Variants in FAM228B observed in about 807,000 individuals in gnomAD.
The protein encoded by FAM228B is protein FAM228B.
Under a neutral mutation model 42.6 loss-of-function variants are expected in FAM228B, and 38 were observed. That is an observed-to-expected ratio of 0.89 (90% CI 0.69 to 1.17). The LOEUF (loss-of-function observed/expected upper bound fraction) is 1.17. Among genes scored for constraint, FAM228B ranks in the 50% most tolerant of loss-of-function variants. The probability of loss-of-function intolerance (pLI) is 0.00; values close to 1 mark genes in which losing one functional copy is unlikely to be tolerated. For missense variants in FAM228B, 344 were observed against 367.3 expected (o/e 0.94, Z 0.52); for synonymous variants, 109 against 122.3 (o/e 0.89, Z 0.72).
At chr2:24,103,482 T>C (rs969839345) in intron 3 of FAM228B, among the ~76,000 whole-genome samples, 19 of 152,252 alleles carry the variant, frequency 1.2e-4, no homozygotes, top group African/African-American at 4.1e-4. Flanking sequence ...CCACAGGTGC[T>C]GTATAGCTAC....
At chr2:24,106,270 A>G (rs974834031) in intron 3 of FAM228B, among the ~76,000 whole-genome samples, 2 of 151,912 alleles carry the variant, frequency 1.3e-5, no homozygotes, top group Non-Finnish European at 2.9e-5. Flanking sequence ...ATCTTTCAAC[A>G]GAAACCCTAA....
In FAM228B at chr2:24,080,955, G is replaced by A. The variant is rs1664975823; in HGVS notation, c.-210G>A. On this transcript the variant is annotated splice_region_variant and 5_prime_UTR_variant, in exon 2 of 11. Transcript: ENST00000613899. The surrounding 1 kb of genome is among the most constrained non-coding windows in gnomAD (Gnocchi z 4.7). ...CCAGAGGAATAGCTCCAGCCATCCG[G>A]GTGAGTTGGATAGCAGCTGTGCCCA... 1 of 1,614,136 alleles carries A rather than the reference G, an allele frequency of 6.2e-7. No homozygotes were observed. The highest frequency in any genetic ancestry group is 2.2e-5 in the East Asian group (1 of 44,880).
At position 24,137,859 on chromosome 2, in the gene FAM228B, C is replaced by T. The variant is rs114803329; in HGVS notation, c.169-50C>T. 2,173 of 1,358,374 alleles carry T rather than the reference C, an allele frequency of 1.6e-3. 42 individuals carry two copies. In the African/African-American group the frequency reaches 0.029, roughly 18 times the overall value. The allele number at this position is 1,358,374 out of a possible 1,614,324, so 84.1% of individuals were successfully genotyped here. On this transcript the variant is annotated intron_variant, in intron 3 of 10. Transcript: ENST00000615575. ...GTTTAAGTTTTGGAAAATTTTAGAA[C>T]AAGAAAGCTTTAGGATAATATATTT...
chr2:24,098,274 A>G (rs1432325292), intron 3 of FAM228B, among the ~76,000 whole-genome samples: 3 of 152,204 alleles, frequency 2.0e-5, no homozygotes, highest in Admixed American at 1.3e-4. Flanking sequence ...GGCAAGAAAT[A>G]ACTGAGATCA....
At chr2:24,133,730 G>A (rs971172931) in intron 2 of FAM228B, among the ~76,000 whole-genome samples, 1 of 152,124 alleles carries the variant, frequency 6.6e-6, no homozygotes, top group African/African-American at 2.4e-5. Flanking sequence ...TTCAAAATCT[G>A]AAAATGTGAC....
At chr2:24,120,703 G>GCAC (rs71395202), upstream of FAM228B, among the ~76,000 whole-genome samples, 17,884 of 151,886 alleles carry the variant, frequency 0.12, 1,234 homozygotes, top group South Asian at 0.18. Flanking sequence ...TTACAAGGGC[G>GCAC]CACCACACCT....
chr2:24,138,025 A>G lies in FAM228B; in HGVS notation c.285A>G (p.Lys95=). Residue 95 remains lysine, a synonymous_variant, in exon 4 of 11, where the codon AAA becomes AAG. Coordinates refer to ENST00000615575, the MANE Select transcript of FAM228B (RefSeq NM_001145710.2). ...CTCTTCAGAAGAAAATTATAGAAAA[A>G]GTTTGCTCACATAAGAAGATTAAAA... The part of the protein sequence containing the change: ...ADPLQKKIIE[K]VCSHKKIKKR... The G allele has an allele frequency of 6.5e-7, 1 of 1,547,498 alleles. No individual in the cohort carries two copies. Among genetic ancestry groups the G allele is most frequent in the Admixed American group, 2.0e-5 (1 of 49,902 alleles).
Position 24,084,384 on chromosome 2 carries a change from G to T in FAM228B, c.-210+3429G>T, listed in dbSNP as rs2150988037. 3.7e-6 allele frequency: 5 copies of T among 1,343,884 alleles called. No individual in the cohort carries two copies. The highest frequency in any genetic ancestry group is 4.1e-6 in the Non-Finnish European group (4 of 966,664). 83.2% of individuals were successfully genotyped at this position (1,343,884 alleles called of 1,614,324 possible). On this transcript the variant is annotated intron_variant, in intron 2 of 10. Transcript: ENST00000613899. This position sits in a 1 kb window ranked among gnomAD's most constrained non-coding sequence, Gnocchi z 8.4. The stretch of plus-strand genomic sequence containing the variant: ...GACAGGACAGGGCAGGGCAGGGCAG[G>T]ACAGGACAGGGCAGGGCAGGACAGG...
intron 2 of FAM228B, among the ~76,000 whole-genome samples, chr2:24,126,913 C>T (rs570965089): frequency 3.1e-4 from 47 of 152,274 alleles, no homozygotes; most frequent in Admixed American, 9.8e-4. Flanking sequence ...CGTGAGCCAC[C>T]GGGCGCCCGG....
chr2:24,088,347 T>TTA (rs34384131), intron 2 of FAM228B, among the ~76,000 whole-genome samples: 18,122 of 151,728 alleles, frequency 0.12, 1,231 homozygotes, highest in South Asian at 0.19. Context: ...CATCCCTTTA[T>TTA]TATATATATA....
At chr2:24,144,849 C>T (rs1666856348) in intron 5 of FAM228B, among the ~76,000 whole-genome samples, 1 of 152,190 alleles carries the variant, frequency 6.6e-6, no homozygotes, top group Non-Finnish European at 1.5e-5. Context: ...CCACCAGCAC[C>T]CCCACCCGAG....
At chr2:24,102,760 A>T (rs532220882) in intron 3 of FAM228B, among the ~76,000 whole-genome samples, 32 of 152,336 alleles carry the variant, frequency 2.1e-4, no homozygotes, top group African/African-American at 7.7e-4. Flanking sequence ...AAAAAACAAA[A>T]TAAATGTATT....
chr2:24,118,214 T>C lies in FAM228B; in HGVS notation c.-120-16905T>C, dbSNP rs565407246. 3.9e-5 allele frequency among the ~76,000 whole-genome samples: 6 copies of C among 152,336 alleles called. No individual in the cohort carries two copies. The South Asian group carries it at 1.2e-3, about 32-fold the overall frequency. ...TAATTAGATAATTAACCTGGCTCTCTATGTCTCTGTTCTGCTCTCTGCTCC... is the reference window on the plus strand; with the variant it reads ...TAATTAGATAATTAACCTGGCTCTCCATGTCTCTGTTCTGCTCTCTGCTCC... On this transcript the variant is annotated intron_variant, in intron 3 of 10. Transcript: ENST00000613899.
intron 2 of FAM228B, among the ~76,000 whole-genome samples, chr2:24,090,562 C>CA (rs58611623): frequency 0.25 from 20,119 of 81,154 alleles, 2,244 homozygotes; most frequent in Non-Finnish European, 0.3. Context: ...CCTCCCATCT[C>CA]AAAAAAAAAA....
In FAM228B at chr2:24,137,957, AAGG is replaced by A. The variant is rs1558386665; in HGVS notation, c.220_222del (p.Glu74del). On this transcript the variant is annotated inframe_deletion, in exon 4 of 11. Coordinates refer to ENST00000615575, the MANE Select transcript of FAM228B (RefSeq NM_001145710.2). ...TCATGCCTTCTTAAATGCAAGAAGA[AAGG>A]AGATGTTATATAAAAGATGGGTTGA... 6.5e-7 allele frequency: 1 copy of A among 1,542,678 alleles called. No individual in the cohort carries two copies. The highest frequency in any genetic ancestry group is 8.7e-7 in the Non-Finnish European group (1 of 1,144,918).
At chr2:24,168,609 C>T (rs897652525) in intron 10 of FAM228B, among the ~76,000 whole-genome samples, 10 of 152,048 alleles carry the variant, frequency 6.6e-5, no homozygotes, top group African/African-American at 2.4e-4. Context: ...ATAAGCAATG[C>T]TTTTGTGGGG....
intron 3 of FAM228B, among the ~76,000 whole-genome samples, chr2:24,104,910 C>T (rs1291150383): frequency 6.6e-6 from 1 of 152,172 alleles, no homozygotes; most frequent in Non-Finnish European, 1.5e-5. Context: ...CTTCTGTTGT[C>T]CCAGGAAGCA....
In FAM228B at chr2:24,169,090, C is replaced by T. The variant is rs1667505234; in HGVS notation, c.*15-266C>T. On this transcript the variant is annotated intron_variant, in intron 10 of 10. Transcript: ENST00000615575. The surrounding 1 kb of genome is among the most constrained non-coding windows in gnomAD (Gnocchi z 4.2). ...TCTGAAAGCTGAGACCACAGGGGTT[C>T]CCTCAAATCATGTCACACATCAGTG... is the stretch of plus-strand genomic sequence containing the variant. 1.3e-5 allele frequency among the ~76,000 whole-genome samples: 2 copies of T among 152,150 alleles called. No homozygotes were observed. Among genetic ancestry groups the T allele is most frequent in the Non-Finnish European group, 2.9e-5 (2 of 68,028 alleles).
chr2:24,161,659 T>C, intron 8 of FAM228B, 46 bp downstream of exon 8: 1 of 1,164,174 alleles, frequency 8.6e-7, no homozygotes. Context: ...GCTAAGATGC[T>C]AGGCTGTGCT....
Sources: gnomAD v4.1 joint callset for allele counts (sites outside exome capture counted in the v4.1 genomes callset) on GRCh38, gnomAD v4.1.1 for gene constraint, Gnocchi (gnomAD v3.1) non-coding constraint, MANE v1.5 for transcripts, NCBI Gene and HGNC (gene_info 2026-07-23, HGNC 2026-07-21) for gene names.